The following CEACAM21 variants were observed in gnomAD, a reference collection of about 807,000 sequenced individuals.
The protein encoded by CEACAM21 is CEA cell adhesion molecule 21.
A neutral mutation model predicts 33.2 loss-of-function variants in CEACAM21; 38 were observed. That is an observed-to-expected ratio of 1.14 (90% CI 0.88 to 1.50). CEACAM21 has a LOEUF of 1.50. Ranked by LOEUF, CEACAM21 falls within the 40% of genes most tolerant of loss-of-function variation. The pLI, the probability that CEACAM21 is intolerant of heterozygous loss-of-function variation, is 0.00. For synonymous variants in CEACAM21, 156 were observed against 143.0 expected, an observed-to-expected ratio of 1.09 and a Z score of -0.65; for missense variants, 385 against 364.6, an observed-to-expected ratio of 1.06 and a Z score of -0.46.
chr19:41,557,337 TCTCACC>T (rs2041596209), intron 1 of CEACAM21, among the ~76,000 whole-genome samples: 1 of 152,188 alleles, frequency 6.6e-6, no homozygotes, highest in South Asian at 2.1e-4. Context: ...TCCTTGTGTG[TCTCACC>T]CTCAGAAAAT....
At chr19:41,557,006 T>C (rs972166893) in intron 1 of CEACAM21, among the ~76,000 whole-genome samples, 2 of 152,216 alleles carry the variant, frequency 1.3e-5, no homozygotes, top group Admixed American at 6.5e-5. Context: ...CTTTGACCAC[T>C]GCTTAGAATT....
chr19:41,572,431 T>A (rs2042670734), upstream of CEACAM21, among the ~76,000 whole-genome samples: 2 of 152,168 alleles, frequency 1.3e-5, no homozygotes, highest in South Asian at 4.1e-4. Context: ...CTAGTTTCCC[T>A]GATCCTCAAG....
At chr19:41,566,441 G>T (rs1056391185) in intron 2 of CEACAM21, among the ~76,000 whole-genome samples, 18 of 152,062 alleles carry the variant, frequency 1.2e-4, no homozygotes, top group African/African-American at 3.6e-4. Flanking sequence ...TTAAACAAGC[G>T]TTTTTCTCCT....
chr19:41,567,807 G>C (rs8100158), intron 2 of CEACAM21, among the ~76,000 whole-genome samples: 1 of 151,814 alleles, frequency 6.6e-6, no homozygotes, highest in East Asian at 1.9e-4. Context: ...TCTCCTGACA[G>C]TAGGGAAGAT....
chr19:41,577,126 C>G, intron 1 of CEACAM21, 74 bp from the exon 2 acceptor site: 1 of 1,560,804 alleles, frequency 6.4e-7, no homozygotes, highest in Non-Finnish European at 8.8e-7. Flanking sequence ...GGTGAAGAGA[C>G]CTGCACCCAG....
intron 2 of CEACAM21, among the ~76,000 whole-genome samples, chr19:41,567,195 C>A (rs1485879981): frequency 1.3e-5 from 2 of 152,066 alleles, no homozygotes; most frequent in Admixed American, 6.6e-5. Flanking sequence ...CAATTAATTG[C>A]ACATTAAGTA....
At chr19:41,586,207 C>A in intron 6 of CEACAM21, 1 of 559,654 alleles carries the variant, frequency 1.8e-6, no homozygotes, top group Non-Finnish European at 3.2e-6. Context: ...TGAGTGGGGG[C>A]CACAGATATT....
chr19:41,584,060 G>A (rs2122293382), intron 3 of CEACAM21, among the ~76,000 whole-genome samples: 1 of 152,314 alleles, frequency 6.6e-6, no homozygotes, highest in Non-Finnish European at 1.5e-5. Context: ...GGGGGAAGAG[G>A]AGTGATGTGA....
intron 1 of CEACAM21, among the ~76,000 whole-genome samples, chr19:41,559,213 G>A (rs782665103): frequency 6.6e-6 from 1 of 152,146 alleles, no homozygotes; most frequent in Non-Finnish European, 1.5e-5. Context: ...ATTACTCATC[G>A]ATTGTATGCA....
chr19:41,565,240 TGGCACCGCCACCGCTACTCCAGGA>T (rs1555788036), intron 2 of CEACAM21, among the ~76,000 whole-genome samples: 1 of 151,972 alleles, frequency 6.6e-6, no homozygotes, highest in African/African-American at 2.4e-5. Flanking sequence ...CGCTCCCCTG[TGGCACCGCCACCGCTACTCCAGGA>T]GGCACAGTGG....
upstream of CEACAM21, among the ~76,000 whole-genome samples, chr19:41,573,113 T>C (rs370036456): frequency 1.1e-3 from 169 of 152,234 alleles, 1 homozygote; most frequent in African/African-American, 3.8e-3. Flanking sequence ...AGAGCCCGGG[T>C]CCCTTCCTTG....
chr19:41,573,466 A>G (rs1360585631), upstream of CEACAM21, among the ~76,000 whole-genome samples: 4 of 152,190 alleles, frequency 2.6e-5, no homozygotes, highest in Admixed American at 6.5e-5. Context: ...AACCAGGGTC[A>G]CTGCCTTGCT....
At chr19:41,563,381 C>A (rs1262287863) in intron 1 of CEACAM21, among the ~76,000 whole-genome samples, 1 of 152,198 alleles carries the variant, frequency 6.6e-6, no homozygotes, top group Non-Finnish European at 1.5e-5. Flanking sequence ...GGCTGTTCCT[C>A]GGCGCTTCTG....
chr19:41,572,003 T>C (rs2042643482), upstream of CEACAM21, among the ~76,000 whole-genome samples: 1 of 152,044 alleles, frequency 6.6e-6, no homozygotes, highest in African/African-American at 2.4e-5. Context: ...GGAAAAGTGA[T>C]TCTCTACTCT....
chr19:41,552,771 C>T (rs931363582), intron 1 of CEACAM21, among the ~76,000 whole-genome samples: 6 of 152,234 alleles, frequency 3.9e-5, no homozygotes, highest in Admixed American at 6.5e-5. Flanking sequence ...CTCTCTGTTT[C>T]GGGGGTGTAG....
At chr19:41,566,465 G>T (rs1324882795) in intron 2 of CEACAM21, among the ~76,000 whole-genome samples, 1 of 152,222 alleles carries the variant, frequency 6.6e-6, no homozygotes, top group South Asian at 2.1e-4. Context: ...GTCTGTTAAT[G>T]TGGAGAAGTA....
At chr19:41,585,334 A>G in intron 4 of CEACAM21, 109 bp from the exon 5 acceptor site, 8 of 1,110,562 alleles carry the variant, frequency 7.2e-6, no homozygotes, top group Middle Eastern at 2.0e-4. Context: ...TAAAGAAAGG[A>G]GGTCTCCATA....
At chr19:41,583,524 A>C (rs1378934547) in intron 3 of CEACAM21, among the ~76,000 whole-genome samples, 3 of 152,186 alleles carry the variant, frequency 2.0e-5, no homozygotes, top group Non-Finnish European at 4.4e-5. Flanking sequence ...CATACCTGAG[A>C]CTTGGTAATG....
intron 2 of CEACAM21, 114 bp from the exon 3 acceptor site, chr19:41,579,239 C>T: frequency 1.3e-6 from 2 of 1,559,694 alleles, no homozygotes; most frequent in Non-Finnish European, 1.8e-6. Context: ...TCTGCTCCTC[C>T]CTGTCCTTCA....
Sources: gnomAD v4.1 joint callset for allele counts (sites outside exome capture counted in the v4.1 genomes callset) on GRCh38, gnomAD v4.1.1 for gene constraint, MANE v1.5 for transcripts, NCBI Gene and HGNC (gene_info 2026-07-23, HGNC 2026-07-21) for gene names.